Variants in UBE2V2 observed in about 807,000 individuals in gnomAD.
UBE2V2 encodes ubiquitin conjugating enzyme E2 V2, also known as ubiquitin-conjugating enzyme E2 variant 2.
In UBE2V2, 9 loss-of-function variants were observed where a neutral mutation model predicts 17.2. The observed-to-expected ratio is 0.52, with a 90% CI of 0.32 to 0.91. UBE2V2 has a LOEUF of 0.91. Ranked by LOEUF, UBE2V2 falls within the 40% of genes least tolerant of loss-of-function variation. The probability of loss-of-function intolerance (pLI) is 0.04; values close to 1 mark genes in which losing one functional copy is unlikely to be tolerated. For synonymous variants in UBE2V2, 61 were observed against 57.5 expected, an observed-to-expected ratio of 1.06 and a Z score of -0.28; for missense variants, 133 against 182.6, an observed-to-expected ratio of 0.73 and a Z score of 1.56.
chr8:48,054,390 T>C (rs1246413238), intron 3 of UBE2V2, among the ~76,000 whole-genome samples: 9 of 152,214 alleles, frequency 5.9e-5, no homozygotes. Flanking sequence ...ACCCTCTGAA[T>C]GTATATTCCC....
intron 1 of UBE2V2, among the ~76,000 whole-genome samples, chr8:48,019,647 T>C (rs2091291729): frequency 6.7e-6 from 1 of 149,782 alleles, no homozygotes; most frequent in African/African-American, 2.5e-5. Context: ...AAACCCCGTC[T>C]CTACTAAAAA....
intron 1 of UBE2V2, chr8:48,034,884 A>T: frequency 4.4e-6 from 1 of 227,440 alleles, no homozygotes. Context: ...ATGTGGTTGC[A>T]TCAGCTGGTG....
chr8:48,012,670 A>C (rs1442319548), intron 1 of UBE2V2, among the ~76,000 whole-genome samples: 1 of 151,950 alleles, frequency 6.6e-6, no homozygotes, highest in Admixed American at 6.6e-5. Context: ...GTGAGCCGAG[A>C]GCACGCCATT....
intron 1 of UBE2V2, among the ~76,000 whole-genome samples, chr8:48,039,623 A>G (rs1563855935): frequency 6.6e-6 from 1 of 152,032 alleles, no homozygotes; most frequent in Non-Finnish European, 1.5e-5. Flanking sequence ...TTATCTTTTC[A>G]TTTAATCTGC....
At chr8:48,004,512 G>GTTTTTTTTTTTTTTTTTTTTT (rs199499502), upstream of UBE2V2, among the ~76,000 whole-genome samples, 1 of 137,966 alleles carries the variant, frequency 7.2e-6, no homozygotes, top group Non-Finnish European at 1.6e-5. Flanking sequence ...TTCCTCTTCT[G>GTTTTTTTTTTTTTTTTTTTTT]TTTTTTTTTT....
upstream of UBE2V2, among the ~76,000 whole-genome samples, chr8:48,004,512 GTT>G (rs199499502): frequency 7.2e-6 from 1 of 137,968 alleles, no homozygotes; most frequent in African/African-American, 2.7e-5. Context: ...TTCCTCTTCT[GTT>G]TTTTTTTTTT....
intron 1 of UBE2V2, among the ~76,000 whole-genome samples, chr8:48,035,823 G>T (rs551215014): frequency 6.6e-6 from 1 of 150,814 alleles, no homozygotes; most frequent in Non-Finnish European, 1.5e-5. Context: ...CTCATGAGGC[G>T]GAGGTTGCAG....
the UBE2V2 span, among the ~76,000 whole-genome samples, chr8:47,998,963 T>C: frequency 2.0e-5 from 3 of 152,190 alleles, no homozygotes; most frequent in African/African-American, 7.2e-5. Context: ...TGGTTAATTT[T>C]GCCACATATC....
chr8:48,010,504 C>T (rs1185807239), intron 1 of UBE2V2, among the ~76,000 whole-genome samples: 8 of 150,838 alleles, frequency 5.3e-5, no homozygotes, highest in Non-Finnish European at 1.0e-4. Context: ...CGGGCTCAAG[C>T]GATTCTCCTG....
the UBE2V2 span, among the ~76,000 whole-genome samples, chr8:48,002,040 G>A: frequency 6.6e-6 from 1 of 151,886 alleles, no homozygotes; most frequent in Admixed American, 6.6e-5. Flanking sequence ...AGTGAGCTGA[G>A]ATTGCGCTAT....
At chr8:48,008,302 A>ACCCCTCGG (rs1019701830), upstream of UBE2V2, 1 of 955,536 alleles carries the variant, frequency 1.0e-6, no homozygotes, top group Admixed American at 4.4e-5. Context: ...AGGCCCCGCG[A>ACCCCTCGG]CCCCTCGGCC....
the UBE2V2 span, among the ~76,000 whole-genome samples, chr8:47,998,418 G>A: frequency 6.6e-6 from 1 of 151,960 alleles, no homozygotes; most frequent in Non-Finnish European, 1.5e-5. Context: ...CGCCGTGTCA[G>A]GTGTCCCTGA....
chr8:48,039,708 C>G (rs963756346), intron 1 of UBE2V2, among the ~76,000 whole-genome samples: 1 of 151,940 alleles, frequency 6.6e-6, no homozygotes, highest in African/African-American at 2.4e-5. Context: ...GTAAAGTGTT[C>G]CAACACCATT....
chr8:48,005,718 G>C (rs773964834), upstream of UBE2V2, among the ~76,000 whole-genome samples: 204 of 152,252 alleles, frequency 1.3e-3, no homozygotes, highest in Non-Finnish European at 2.3e-3. Context: ...ATTCTACCTG[G>C]TGTGAGATGG....
chr8:48,059,885 C>T (rs529324684), intron 3 of UBE2V2, among the ~76,000 whole-genome samples: 2 of 152,186 alleles, frequency 1.3e-5, no homozygotes, highest in African/African-American at 4.8e-5. Flanking sequence ...CAAGGAGCTC[C>T]ATCCCCATTC....
chr8:48,027,164 C>G (rs2091351476), intron 1 of UBE2V2, among the ~76,000 whole-genome samples: 1 of 151,904 alleles, frequency 6.6e-6, no homozygotes, highest in Admixed American at 6.6e-5. Context: ...CCATGCCTGT[C>G]TAATTTTTGT....
At position 48,032,273 on chromosome 8, in the gene UBE2V2, T is replaced by C. The variant is rs1319701202; in HGVS notation, c.17-10760T>C. Among the ~76,000 whole-genome samples the C allele has an allele frequency of 2.6e-5, 4 of 152,326 alleles. No individual in the cohort carries two copies. In the East Asian group the frequency reaches 7.7e-4, roughly 29 times the overall value. On this transcript the variant is annotated intron_variant, in intron 1 of 3. Coordinates refer to ENST00000523111, the MANE Select transcript of UBE2V2 (RefSeq NM_003350.3). ...CTATTGAAATATATTTTTAATCTCA[T>C]ACAATTTTTTGAAATATTTTAGAGG...
chr8:48,034,556 T>TA (rs2091407727), intron 1 of UBE2V2, among the ~76,000 whole-genome samples: 1 of 152,028 alleles, frequency 6.6e-6, no homozygotes, highest in African/African-American at 2.4e-5. Flanking sequence ...GTGCTGCTAT[T>TA]AGGTCTCCCC....
upstream of UBE2V2, among the ~76,000 whole-genome samples, chr8:48,005,677 T>C (rs200047979): frequency 6.6e-6 from 1 of 152,160 alleles, no homozygotes; most frequent in Non-Finnish European, 1.5e-5. Flanking sequence ...CTCTCCAGCA[T>C]CTGTTGTTTC....
Sources: gnomAD v4.1 joint callset for allele counts (sites outside exome capture counted in the v4.1 genomes callset) on GRCh38, gnomAD v4.1.1 for gene constraint, MANE v1.5 for transcripts, NCBI Gene and HGNC (gene_info 2026-07-23, HGNC 2026-07-21) for gene names.